SYTL5: variants seen among roughly 807,000 people sequenced by gnomAD.
SYTL5 encodes synaptotagmin like 5.
In SYTL5, 34 loss-of-function variants were observed where a neutral mutation model predicts 55.9. That is an observed-to-expected ratio of 0.61 (90% CI 0.46 to 0.81). SYTL5 has a LOEUF of 0.81. Among genes scored for constraint, SYTL5 ranks in the 30% least tolerant of loss-of-function variants. The pLI is 0.00. For synonymous variants in SYTL5, 221 were observed against 188.7 expected (o/e 1.17, Z -1.40); for missense variants, 637 against 546.7 (o/e 1.17, Z -1.65).
At chrX:38,015,666 C>G (rs773400414) in intron 1 of SYTL5, among the ~76,000 whole-genome samples, 9 of 110,087 alleles carry the variant, frequency 8.2e-5, no homozygotes, top group Non-Finnish European at 1.5e-4. Context: ...ATATAATGTA[C>G]ATACTGTACA....
intron 13 of SYTL5, among the ~76,000 whole-genome samples, chrX:38,117,226 T>A (rs1294240134): frequency 8.9e-6 from 1 of 111,963 alleles, no homozygotes; most frequent in Non-Finnish European, 1.9e-5. Flanking sequence ...GGCTGCAATA[T>A]GACTCCCCTG....
the SYTL5 span, among the ~76,000 whole-genome samples, chrX:37,904,544 CAG>C: frequency 1.8e-5 from 2 of 110,998 alleles, no homozygotes; most frequent in South Asian, 3.8e-4. Flanking sequence ...GAGCCAGAGA[CAG>C]GGGGAGGAAG....
intron 1 of SYTL5, among the ~76,000 whole-genome samples, chrX:38,018,351 A>ACAG (rs969252085): frequency 9.0e-6 from 1 of 111,339 alleles, no homozygotes; most frequent in Non-Finnish European, 1.9e-5. Context: ...ACTTGCTTGC[A>ACAG]CAGCATCAAC....
At chrX:38,006,509 G>A (rs189310025), upstream of SYTL5, 1 of 111,741 alleles carries the variant, frequency 8.9e-6, no homozygotes, top group African/African-American at 3.2e-5. Flanking sequence ...CTGTGCTACT[G>A]GGTGTGTTCA....
the SYTL5 span, among the ~76,000 whole-genome samples, chrX:37,972,264 C>A: frequency 9.0e-6 from 1 of 111,283 alleles, no homozygotes; most frequent in Non-Finnish European, 1.9e-5. Flanking sequence ...CACAGACAAA[C>A]CGGAATAGGA....
intron 7 of SYTL5, among the ~76,000 whole-genome samples, chrX:38,091,728 A>G (rs1372609851): frequency 1.8e-5 from 2 of 111,996 alleles, no homozygotes; most frequent in African/African-American, 6.5e-5. Flanking sequence ...CCAATGACCA[A>G]TAAGTTAATC....
At chrX:38,031,807 C>T (rs1229228027) in intron 1 of SYTL5, among the ~76,000 whole-genome samples, 1 of 112,088 alleles carries the variant, frequency 8.9e-6, no homozygotes, top group Non-Finnish European at 1.9e-5. Context: ...CCTGTTTATC[C>T]TAACCTTATT....
chrX:38,073,777 GT>G, intron 5 of SYTL5, 79 bp downstream of exon 5: 1 of 662,264 alleles, frequency 1.5e-6, no homozygotes, highest in Non-Finnish European at 2.2e-6. Context: ...AATTTTTCAA[GT>G]TTGATGTCAC....
At chrX:38,012,130 T>A (rs941777682) in intron 1 of SYTL5, among the ~76,000 whole-genome samples, 1 of 112,300 alleles carries the variant, frequency 8.9e-6, no homozygotes, top group South Asian at 3.6e-4. Context: ...TCTAACAGAA[T>A]GCCAGGAAAC....
the SYTL5 span, among the ~76,000 whole-genome samples, chrX:37,948,022 A>G: frequency 1.3e-3 from 150 of 112,225 alleles, no homozygotes; most frequent in Admixed American, 1.4e-3. Context: ...AAATACACAG[A>G]GTTCCAAATC....
the SYTL5 span, among the ~76,000 whole-genome samples, chrX:37,999,535 AAAAT>A: frequency 1.8e-5 from 2 of 112,032 alleles, no homozygotes; most frequent in Admixed American, 1.9e-4. Flanking sequence ...ATGTAGGATG[AAAAT>A]AATTCATCAG....
the SYTL5 span, among the ~76,000 whole-genome samples, chrX:37,916,120 T>C: frequency 8.9e-6 from 1 of 111,912 alleles, no homozygotes; most frequent in African/African-American, 3.2e-5. Context: ...CCTGCCTCCT[T>C]CTCAAAGGAT....
intron 10 of SYTL5, among the ~76,000 whole-genome samples, chrX:38,103,419 G>T (rs1229780538): frequency 1.8e-5 from 2 of 111,084 alleles, no homozygotes; most frequent in Non-Finnish European, 3.8e-5. Flanking sequence ...ATTGCCATAG[G>T]TGTCTTAGTT....
the SYTL5 span, among the ~76,000 whole-genome samples, chrX:37,897,407 C>A: frequency 1.9e-5 from 2 of 105,030 alleles, no homozygotes; most frequent in South Asian, 8.9e-4. Flanking sequence ...CACTTGAATC[C>A]GGGAAGCAGA....
chrX:37,902,249 C>T, the SYTL5 span, among the ~76,000 whole-genome samples: 933 of 112,081 alleles, frequency 8.3e-3, 7 homozygotes, highest in African/African-American at 0.029. Flanking sequence ...GTACTTCTTC[C>T]TGTGCGCACC....
chrX:38,078,436 A>G (rs1411952444), intron 6 of SYTL5, among the ~76,000 whole-genome samples: 1 of 109,557 alleles, frequency 9.1e-6, no homozygotes, highest in Non-Finnish European at 1.9e-5. Flanking sequence ...AATTTTTTGT[A>G]TTTTTAGTAG....
At chrX:38,053,054 A>G (rs747152429) in intron 2 of SYTL5, among the ~76,000 whole-genome samples, 1 of 112,639 alleles carries the variant, frequency 8.9e-6, no homozygotes, top group South Asian at 3.7e-4. Flanking sequence ...AAATCTTTCC[A>G]AAGTGATTCC....
the SYTL5 span, among the ~76,000 whole-genome samples, chrX:37,894,428 G>T: frequency 9.0e-6 from 1 of 111,707 alleles, no homozygotes; most frequent in East Asian, 2.8e-4. Context: ...CAATGCATTG[G>T]AGTGCCAGTA....
At chrX:38,037,605 A>T (rs1464750868) in intron 2 of SYTL5, among the ~76,000 whole-genome samples, 1 of 111,646 alleles carries the variant, frequency 9.0e-6, no homozygotes, top group Admixed American at 9.6e-5. Flanking sequence ...AGTCCAAGCT[A>T]AAGAAAGAAG....
Sources: allele counts gnomAD v4.1 joint callset (sites outside exome capture counted in the v4.1 genomes callset), GRCh38; gene constraint gnomAD v4.1.1; transcripts MANE v1.5; gene names NCBI Gene and HGNC (gene_info 2026-07-23, HGNC 2026-07-21).